Variants in PALM2AKAP2 observed in about 807,000 individuals in gnomAD.
PALM2AKAP2 encodes the protein PALM2-AKAP2 fusion protein.
In PALM2AKAP2, 37 loss-of-function variants were observed where a neutral mutation model predicts 71.5. The ratio of observed to expected loss-of-function variants is 0.52; its 90% CI spans 0.40 to 0.68. PALM2AKAP2 has a LOEUF of 0.68. Among genes scored for constraint, PALM2AKAP2 ranks in the 30% least tolerant of loss-of-function variants. PALM2AKAP2 has a pLI of 0.00. For synonymous variants in PALM2AKAP2, 468 were observed against 478.8 expected (o/e 0.98, Z 0.29); for missense variants, 1,224 against 1,191.8 (o/e 1.03, Z -0.40).
At chr9:110,138,854 G>C (rs1342892649) in intron 2 of PALM2AKAP2, among the ~76,000 whole-genome samples, 27 of 152,224 alleles carry the variant, frequency 1.8e-4, no homozygotes, top group Non-Finnish European at 4.0e-4. Context: ...CTTGTCTGAA[G>C]GAGAGGCTGT....
chr9:109,886,862 AG>A (rs1829977706), intron 3 of PALM2AKAP2, among the ~76,000 whole-genome samples: 1 of 152,246 alleles, frequency 6.6e-6, no homozygotes, highest in African/African-American at 2.4e-5. Flanking sequence ...GCTAGGTATA[AG>A]TAACTGATTC....
intron 2 of PALM2AKAP2, among the ~76,000 whole-genome samples, chr9:109,868,052 G>A (rs1388229924): frequency 2.0e-5 from 3 of 152,154 alleles, no homozygotes; most frequent in Non-Finnish European, 2.9e-5. Context: ...GAACAACACT[G>A]TGTATTTCAG....
At chr9:110,154,083 G>A (rs1836388611) in intron 2 of PALM2AKAP2, among the ~76,000 whole-genome samples, 1 of 152,166 alleles carries the variant, frequency 6.6e-6, no homozygotes, top group African/African-American at 2.4e-5. Flanking sequence ...GAATATGCAT[G>A]AAATTGTTCA....
chr9:110,033,877 T>C (rs1248720114), intron 7 of PALM2AKAP2, among the ~76,000 whole-genome samples: 2 of 152,094 alleles, frequency 1.3e-5, no homozygotes, highest in African/African-American at 2.4e-5. Context: ...ATCTAAAAGG[T>C]GTATTCTGTG....
intron 1 of PALM2AKAP2, among the ~76,000 whole-genome samples, chr9:109,748,709 G>A (rs745954380): frequency 8.5e-5 from 13 of 152,228 alleles, no homozygotes; most frequent in Middle Eastern, 3.4e-3. Context: ...GGCTTGCTAG[G>A]CTGCCATAAC....
intron 7 of PALM2AKAP2, chr9:110,025,383 G>A: frequency 1.2e-6 from 1 of 857,862 alleles, no homozygotes; most frequent in Admixed American, 1.9e-5. Context: ...GGAAGATGGA[G>A]GTTCCGCCCG....
At chr9:110,080,279 A>C (rs1465488542) in intron 1 of PALM2AKAP2, among the ~76,000 whole-genome samples, 1 of 152,142 alleles carries the variant, frequency 6.6e-6, no homozygotes, top group Non-Finnish European at 1.5e-5. Flanking sequence ...CCAGGAGACC[A>C]ATGATAGTGA....
chr9:110,015,044 C>T (rs920416032), intron 6 of PALM2AKAP2, among the ~76,000 whole-genome samples: 22 of 151,554 alleles, frequency 1.5e-4, no homozygotes, highest in Admixed American at 3.3e-4. Flanking sequence ...TGTGTCTTGC[C>T]GGATGTCCAC....
upstream of PALM2AKAP2, chr9:110,048,560 A>AGGGGAGGGG (rs1235773710): frequency 2.9e-6 from 2 of 679,682 alleles, no homozygotes; most frequent in East Asian, 7.3e-5. Context: ...GTAGATGGGG[A>AGGGGAGGGG]GGGGAGGGGA....
chr9:110,138,343 T>G (rs1340731017), exon 2 of PALM2AKAP2: 1 of 1,614,146 alleles, frequency 6.2e-7, no homozygotes, highest in Non-Finnish European at 8.5e-7. Flanking sequence ...CTCAAGAATC[T>G]GACGTGATGG....
chr9:110,076,513 G>GTATATATA (rs1258256647), intron 1 of PALM2AKAP2, among the ~76,000 whole-genome samples: 13 of 76,652 alleles, frequency 1.7e-4, no homozygotes, highest in African/African-American at 7.3e-4. Flanking sequence ...ATATATATAG[G>GTATATATA]TATATATACC....
intron 3 of PALM2AKAP2, among the ~76,000 whole-genome samples, chr9:110,160,290 C>CA (rs1375520773): frequency 6.6e-6 from 1 of 152,230 alleles, no homozygotes; most frequent in Non-Finnish European, 1.5e-5. Context: ...CCAGATGCAG[C>CA]AATCCTATTC....
At chr9:109,706,882 G>A (rs760159475) in intron 1 of PALM2AKAP2, among the ~76,000 whole-genome samples, 1 of 152,188 alleles carries the variant, frequency 6.6e-6, no homozygotes, top group Non-Finnish European at 1.5e-5. Context: ...AGTTAGATTA[G>A]TGGTTTCCTA....
At chr9:109,913,915 C>T (rs960097741) in intron 3 of PALM2AKAP2, among the ~76,000 whole-genome samples, 2 of 152,086 alleles carry the variant, frequency 1.3e-5, no homozygotes, top group Non-Finnish European at 2.9e-5. Context: ...CGCCACTACG[C>T]CCAGCTAATT....
At chr9:109,854,879 C>T (rs973259155) in intron 1 of PALM2AKAP2, among the ~76,000 whole-genome samples, 4 of 135,802 alleles carry the variant, frequency 2.9e-5, no homozygotes, top group Admixed American at 1.6e-4. Flanking sequence ...CAAGTGATTC[C>T]CCTACCTCAG....
chr9:109,814,758 C>T (rs1281528539), intron 1 of PALM2AKAP2, among the ~76,000 whole-genome samples: 2 of 152,222 alleles, frequency 1.3e-5, no homozygotes, highest in African/African-American at 2.4e-5. Context: ...CACCAAGACT[C>T]ATCTATCAAC....
chr9:110,100,366 C>T (rs1196926860), intron 1 of PALM2AKAP2, among the ~76,000 whole-genome samples: 1 of 151,968 alleles, frequency 6.6e-6, no homozygotes, highest in Non-Finnish European at 1.5e-5. Flanking sequence ...TGTCTCTGAA[C>T]CTAGTCTTTT....
At chr9:109,943,611 T>G (rs1831430194) in intron 6 of PALM2AKAP2, 1 of 743,090 alleles carries the variant, frequency 1.3e-6, no homozygotes, top group Admixed American at 2.7e-5. Flanking sequence ...TGCATGTGTG[T>G]GCTTCATTCT....
At chr9:110,051,291 T>C (rs375251265) in intron 1 of PALM2AKAP2, among the ~76,000 whole-genome samples, 50 of 152,348 alleles carry the variant, frequency 3.3e-4, no homozygotes, top group East Asian at 2.5e-3. Context: ...CTCTGGCTAA[T>C]AAAGTGAAGT....
Sources: allele counts gnomAD v4.1 joint callset (sites outside exome capture counted in the v4.1 genomes callset), GRCh38; gene constraint gnomAD v4.1.1; transcripts MANE v1.5; gene names NCBI Gene and HGNC (gene_info 2026-07-23, HGNC 2026-07-21).